Variants in GLCCI1 observed in about 807,000 individuals in gnomAD.
GLCCI1 encodes the protein glucocorticoid-induced transcript 1 protein.
In GLCCI1, 24 loss-of-function variants were observed where a neutral mutation model predicts 52.2. That is an observed-to-expected ratio of 0.46 (90% CI 0.33 to 0.65). GLCCI1 has a LOEUF of 0.65. Among genes scored for constraint, GLCCI1 ranks in the 30% least tolerant of loss-of-function variants. The probability of loss-of-function intolerance (pLI) is 0.02; values close to 1 mark genes in which losing one functional copy is unlikely to be tolerated. For synonymous variants in GLCCI1, 310 were observed against 276.5 expected (o/e 1.12, Z -1.20); for missense variants, 704 against 701.5 (o/e 1.00, Z -0.04).
intron 1 of GLCCI1, among the ~76,000 whole-genome samples, chr7:7,990,498 T>G (rs1780817823): frequency 6.6e-6 from 1 of 152,150 alleles, no homozygotes. Flanking sequence ...TGCTGCTGGT[T>G]GTTTTATTTC....
chr7:7,995,371 G>C (rs978120520), intron 1 of GLCCI1, among the ~76,000 whole-genome samples: 1 of 152,110 alleles, frequency 6.6e-6, no homozygotes, highest in Non-Finnish European at 1.5e-5. Context: ...TTAGCTGGGC[G>C]TGGTAGCATG....
chr7:8,013,762 T>G (rs28488572), intron 2 of GLCCI1, among the ~76,000 whole-genome samples: 65,156 of 152,040 alleles, frequency 0.43, 14,282 homozygotes, highest in Middle Eastern at 0.52. Flanking sequence ...GCTGTTGTAA[T>G]TAGGATATTT....
chr7:8,078,890 T>A (rs2127967770), intron 6 of GLCCI1: 1 of 152,338 alleles, frequency 6.6e-6, no homozygotes, highest in South Asian at 2.1e-4. Flanking sequence ...ATGATTAAAA[T>A]TCCATGTTGG....
chr7:8,016,957 A>G (rs1178258448), intron 2 of GLCCI1, among the ~76,000 whole-genome samples: 2 of 152,238 alleles, frequency 1.3e-5, no homozygotes, highest in Non-Finnish European at 2.9e-5. Context: ...TGGCATAGAA[A>G]TGACACAAGT....
At chr7:8,022,064 A>G (rs1781503423) in intron 2 of GLCCI1, among the ~76,000 whole-genome samples, 1 of 152,226 alleles carries the variant, frequency 6.6e-6, no homozygotes, top group Non-Finnish European at 1.5e-5. Flanking sequence ...CTAGCTAAAT[A>G]TTTGAAATGT....
intron 1 of GLCCI1, among the ~76,000 whole-genome samples, chr7:8,003,404 A>G (rs146604471): frequency 2.2e-4 from 33 of 152,322 alleles, no homozygotes; most frequent in African/African-American, 7.5e-4. Flanking sequence ...GACGCTTAGC[A>G]TGGGATTATG....
intron 1 of GLCCI1, among the ~76,000 whole-genome samples, chr7:7,997,204 C>A (rs1397444305): frequency 1.3e-5 from 2 of 151,828 alleles, no homozygotes; most frequent in Non-Finnish European, 2.9e-5. Flanking sequence ...TATTTTGTTA[C>A]CTTTTTTTTT....
In GLCCI1 at chr7:7,968,826, AGCGGCG is replaced by A. The variant is rs570249106; in HGVS notation, c.-509_-504del. On this transcript the variant is annotated 5_prime_UTR_variant, in exon 1 of 8. Coordinates refer to ENST00000223145, the MANE Select transcript of GLCCI1 (RefSeq NM_138426.4). Reference sequence around the variant, plus strand: ...CCATTCGGAGTGAGGAGTGGGTAGAAGCGGCGGCGGCGGCGGCGGCGTTTGCGGTGG... The same window carrying A: ...CCATTCGGAGTGAGGAGTGGGTAGAAGCGGCGGCGGCGGCGTTTGCGGTGG... The A allele has an allele frequency of 9.4e-5, 15 of 160,132 alleles. No individual in the cohort carries two copies. Among genetic ancestry groups the A allele is most frequent in the South Asian group, 1.5e-4 (1 of 6,490 alleles). The allele number at this position is 160,132 out of a possible 1,614,324, so 9.9% of individuals were successfully genotyped here. A position where few individuals can be genotyped will look rare whatever the true frequency, so the allele number is the denominator to read the frequency against.
At chr7:8,029,560 C>G (rs543097473) in intron 3 of GLCCI1, among the ~76,000 whole-genome samples, 5 of 152,114 alleles carry the variant, frequency 3.3e-5, no homozygotes, top group Non-Finnish European at 5.9e-5. Context: ...GAAGTCTTAG[C>G]TGGAGTAATC....
intron 2 of GLCCI1, among the ~76,000 whole-genome samples, chr7:8,007,473 C>T (rs1482506246): frequency 2.0e-5 from 3 of 152,182 alleles, no homozygotes; most frequent in Non-Finnish European, 4.4e-5. Flanking sequence ...CAACCACTAA[C>T]TACTAACCTA....
chr7:8,038,423 CAT>C (rs140005218), intron 3 of GLCCI1, among the ~76,000 whole-genome samples: 2,273 of 152,220 alleles, frequency 0.015, 54 homozygotes, highest in East Asian at 0.084. Context: ...ATAGCAAAAA[CAT>C]AAATCAGTGG....
chr7:8,031,538 A>C (rs1430136669), intron 3 of GLCCI1, among the ~76,000 whole-genome samples: 1 of 152,128 alleles, frequency 6.6e-6, no homozygotes, highest in Non-Finnish European at 1.5e-5. Flanking sequence ...TAAAAGTACT[A>C]AAAGGGTATA....
intron 3 of GLCCI1, among the ~76,000 whole-genome samples, chr7:8,047,242 T>A (rs577445316): frequency 5.3e-4 from 81 of 152,356 alleles, no homozygotes; most frequent in African/African-American, 1.9e-3. Flanking sequence ...AGATTGATTT[T>A]CCTCCAGTGC....
chr7:7,977,788 G>C (rs537563798), intron 1 of GLCCI1, among the ~76,000 whole-genome samples: 1 of 152,216 alleles, frequency 6.6e-6, no homozygotes, highest in East Asian at 1.9e-4. Flanking sequence ...CCAATATAAG[G>C]TACTTTTATT....
At chr7:8,027,266 T>A (rs1008245039) in intron 3 of GLCCI1, among the ~76,000 whole-genome samples, 1 of 152,222 alleles carries the variant, frequency 6.6e-6, no homozygotes, top group Non-Finnish European at 1.5e-5. Flanking sequence ...GGCGGGCAGA[T>A]CCCTTGAGGT....
intron 1 of GLCCI1, among the ~76,000 whole-genome samples, chr7:7,978,694 G>A (rs970730564): frequency 5.3e-5 from 8 of 152,158 alleles, no homozygotes; most frequent in African/African-American, 1.7e-4. Context: ...CATTTCTTCT[G>A]TAATTATATT....
intron 3 of GLCCI1, among the ~76,000 whole-genome samples, chr7:8,039,701 A>C (rs1452468315): frequency 1.3e-5 from 2 of 152,180 alleles, no homozygotes; most frequent in African/African-American, 4.8e-5. Flanking sequence ...GGTTCCACTA[A>C]AAGCCCAGAC....
chr7:8,017,879 T>C (rs1008414110), intron 2 of GLCCI1, among the ~76,000 whole-genome samples: 4 of 152,176 alleles, frequency 2.6e-5, no homozygotes, highest in Non-Finnish European at 2.9e-5. Flanking sequence ...TGTGCTGCTT[T>C]GTAATACTTC....
chr7:7,969,784 G>A lies in GLCCI1; in HGVS notation c.434G>A (p.Ser145Asn). Residue 145 changes from serine (S) to asparagine (N), a missense_variant, in exon 1 of 8, where the codon AGC becomes AAC. Physicochemically the swap from Ser to Asn is conservative, Grantham distance 46. Coordinates refer to ENST00000223145, the MANE Select transcript of GLCCI1 (RefSeq NM_138426.4). The surrounding 1 kb of genome is among the most constrained non-coding windows in gnomAD (Gnocchi z 4.9). Reference sequence around the variant, plus strand: ...AGGAGCAGCTCACCTGAGAGACGGAGCCCCGGCTCGCCCGTGTGCAGAGGT... The same window carrying A: ...AGGAGCAGCTCACCTGAGAGACGGAACCCCGGCTCGCCCGTGTGCAGAGGT... ...HRRSSSPERR[S>N]PGSPVCRADK... The A allele has an allele frequency of 6.7e-7, 1 of 1,484,562 alleles. No individual in the cohort carries two copies. The allele number at this position is 1,484,562 out of a possible 1,614,324, so 92.0% of individuals were successfully genotyped here.
Sources: allele counts gnomAD v4.1 joint callset (sites outside exome capture counted in the v4.1 genomes callset), GRCh38; gene constraint gnomAD v4.1.1; non-coding constraint Gnocchi (gnomAD v3.1); transcripts MANE v1.5; gene names NCBI Gene and HGNC (gene_info 2026-07-23, HGNC 2026-07-21).